The following ZC4H2 variants were observed in gnomAD, a reference collection of about 807,000 sequenced individuals.
ZC4H2 encodes zinc finger C4H2-type containing.
For synonymous variants in ZC4H2, 84 were observed against 66.3 expected (o/e 1.27, Z -1.30); for missense variants, 137 against 173.9 (o/e 0.79, Z 1.19).
chrX:64,952,416 A>T (rs1377613917), intron 1 of ZC4H2, among the ~76,000 whole-genome samples: 18 of 109,851 alleles, frequency 1.6e-4, no homozygotes, highest in Non-Finnish European at 1.1e-4. Context: ...CACAATATTG[A>T]CCCCATCATG....
In ZC4H2 at chrX:65,025,335, A is replaced by G. The variant is rs758596360; in HGVS notation, c.-272+9294T>C. Among the ~76,000 whole-genome samples the G allele has an allele frequency of 2.7e-5, 3 of 109,459 alleles. No homozygotes were observed. The South Asian group carries it at 1.2e-3, about 43-fold the overall frequency. ...TAGTTTTTTTAAATATTTGGTAGAG[A>G]CTAGGTCTCAGTATGGTGCCCAGGC... On this transcript the variant is annotated intron_variant, in intron 1 of 4. Transcript: ENST00000337990.
chrX:64,924,742 C>T (rs750113166), intron 1 of ZC4H2, among the ~76,000 whole-genome samples: 2 of 110,950 alleles, frequency 1.8e-5, no homozygotes, highest in South Asian at 3.9e-4. Flanking sequence ...AATGGCCCCA[C>T]AGAAGAAGAA....
At position 64,993,509 on chromosome X, in the gene ZC4H2, C is replaced by T. The variant is rs779166770; in HGVS notation, c.-272+41120G>A. On this transcript the variant is annotated intron_variant, in intron 1 of 4. Transcript: ENST00000337990. Reference sequence around the variant, plus strand: ...AAAGAGGCCAGAGAGAGGTTCATTCCGCCTCTGCCATGTAAAGTTACAGTG... The same window carrying T: ...AAAGAGGCCAGAGAGAGGTTCATTCTGCCTCTGCCATGTAAAGTTACAGTG... Among the ~76,000 whole-genome samples, 22 of 111,286 alleles carry T rather than the reference C, an allele frequency of 2.0e-4. No individual in the cohort carries two copies. The East Asian group carries it at 2.3e-3, about 11-fold the overall frequency.
intron 1 of ZC4H2, among the ~76,000 whole-genome samples, chrX:64,954,919 G>A (rs761910914): frequency 2.7e-5 from 3 of 111,605 alleles, no homozygotes; most frequent in African/African-American, 9.8e-5. Flanking sequence ...CCAGTTATCA[G>A]TGCTATGTAC....
chrX:64,989,435 A>C (rs2147272397), intron 1 of ZC4H2, among the ~76,000 whole-genome samples: 1 of 111,865 alleles, frequency 8.9e-6, no homozygotes, highest in South Asian at 3.7e-4. Flanking sequence ...GGTTCTTCAC[A>C]TCCCTTGTAA....
At chrX:64,919,758 A>T in intron 3 of ZC4H2, 1 of 210,928 alleles carries the variant, frequency 4.7e-6, no homozygotes, top group East Asian at 8.6e-5. Context: ...TGACTTGGGA[A>T]ATGATCTCTT....
intron 1 of ZC4H2, among the ~76,000 whole-genome samples, chrX:64,944,788 T>G (rs1930453801): frequency 8.9e-6 from 1 of 112,135 alleles, no homozygotes; most frequent in African/African-American, 3.2e-5. Flanking sequence ...TTTTCATTTT[T>G]TTTCTCTAAT....
intron 1 of ZC4H2, among the ~76,000 whole-genome samples, chrX:64,952,931 G>C (rs1387912516): frequency 6.3e-5 from 7 of 111,494 alleles, no homozygotes; most frequent in South Asian, 3.8e-4. Flanking sequence ...ATACTACAAG[G>C]CTACAGTAAC....
chrX:64,991,521 A>G (rs1409684456), intron 1 of ZC4H2, among the ~76,000 whole-genome samples: 1 of 111,932 alleles, frequency 8.9e-6, no homozygotes, highest in Non-Finnish European at 1.9e-5. Context: ...GACCAGGCTG[A>G]GAAACATAGC....
At chrX:65,032,778 CTTCT>C (rs1555952061) in intron 1 of ZC4H2, among the ~76,000 whole-genome samples, 19 of 101,437 alleles carry the variant, frequency 1.9e-4, no homozygotes, top group Admixed American at 9.7e-4. Context: ...TCCTTCCTTC[CTTCT>C]TTCTTTTTTT....
At chrX:64,950,584 T>A (rs1421219025) in intron 1 of ZC4H2, among the ~76,000 whole-genome samples, 1 of 111,100 alleles carries the variant, frequency 9.0e-6, no homozygotes, top group Non-Finnish European at 1.9e-5. Flanking sequence ...GTTGAATTGA[T>A]CCCTTTACCA....
intron 1 of ZC4H2, among the ~76,000 whole-genome samples, chrX:64,932,764 C>A (rs1929816629): frequency 9.0e-6 from 1 of 111,198 alleles, no homozygotes. Context: ...TATAGGTTAT[C>A]TTTTATCTCA....
chrX:64,966,344 A>G (rs1394226377), intron 1 of ZC4H2, among the ~76,000 whole-genome samples: 1 of 112,184 alleles, frequency 8.9e-6, no homozygotes, highest in African/African-American at 3.2e-5. Flanking sequence ...ACCCTCATAC[A>G]CTCCCTCTTG....
intron 1 of ZC4H2, among the ~76,000 whole-genome samples, chrX:64,995,876 C>T (rs1323114489): frequency 2.7e-5 from 3 of 112,217 alleles, no homozygotes; most frequent in African/African-American, 9.7e-5. Flanking sequence ...TTAAAAATAT[C>T]GTAAAGCAAG....
intron 1 of ZC4H2, among the ~76,000 whole-genome samples, chrX:64,932,637 T>C (rs1311860808): frequency 2.7e-5 from 3 of 111,568 alleles, no homozygotes; most frequent in Non-Finnish European, 3.8e-5. Context: ...TTTTGCTAGA[T>C]AGAAAATTTT....
chrX:64,979,474 T>A (rs969157647), upstream of ZC4H2, among the ~76,000 whole-genome samples: 10 of 112,697 alleles, frequency 8.9e-5, no homozygotes, highest in African/African-American at 2.6e-4. Flanking sequence ...CCTCTTAGCT[T>A]CTGCTGGTTT....
At chrX:65,004,997 T>C (rs756026259) in intron 1 of ZC4H2, among the ~76,000 whole-genome samples, 40 of 111,048 alleles carry the variant, frequency 3.6e-4, no homozygotes, top group African/African-American at 1.3e-3. Flanking sequence ...ACAAAGAGAT[T>C]AAAATACCTA....
rs759234448 is a variant in ZC4H2, at chrX:64,952,808, G to GA, written c.53+23516dup. Among the ~76,000 whole-genome samples, 515 of 107,259 alleles carry GA rather than the reference G, an allele frequency of 4.8e-3. 1 individual carries two copies. The highest frequency in any genetic ancestry group is 0.011 in the Admixed American group (110 of 10,034). 93.1% of individuals were successfully genotyped at this position (107,259 alleles called of 115,157 possible). A position where few individuals can be genotyped will look rare whatever the true frequency, so the allele number is the denominator to read the frequency against. On this transcript the variant is annotated intron_variant, in intron 1 of 4. Transcript: ENST00000374839. ...ACCAATGACTTTCTTCACAGAATTG[G>GA]AAAAAAAAACTACTGTAAAGTTCAT...
intron 1 of ZC4H2, among the ~76,000 whole-genome samples, chrX:64,923,223 G>A (rs1273842180): frequency 8.9e-6 from 1 of 111,779 alleles, no homozygotes; most frequent in Admixed American, 9.5e-5. Context: ...AACATACATG[G>A]ATGTGACTAA....
Sources: gnomAD v4.1 joint callset for allele counts (sites outside exome capture counted in the v4.1 genomes callset) on GRCh38, gnomAD v4.1.1 for gene constraint, MANE v1.5 for transcripts, NCBI Gene and HGNC (gene_info 2026-07-23, HGNC 2026-07-21) for gene names.